Variants in USP47 observed in about 807,000 individuals in gnomAD.
The protein encoded by USP47 is ubiquitin specific peptidase 47.
A neutral mutation model predicts 165.1 loss-of-function variants in USP47; 35 were observed. The observed-to-expected ratio is 0.21, with a 90% confidence interval of 0.16 to 0.28. The LOEUF (loss-of-function observed/expected upper bound fraction) is 0.28, where lower values mean the gene tolerates loss of function less well. USP47 is among the 10% of genes least tolerant of loss of function. The pLI is 1.00. For missense variants in USP47, 1,277 were observed against 1,607.4 expected (o/e 0.79, Z 3.52); for synonymous variants, 531 against 544.5 (o/e 0.98, Z 0.35).
intron 1 of USP47, among the ~76,000 whole-genome samples, chr11:11,873,560 G>C (rs915878917): frequency 6.6e-6 from 1 of 151,930 alleles, no homozygotes; most frequent in South Asian, 2.1e-4. Context: ...CAATTCTTAA[G>C]CTATCATTCT....
intron 1 of USP47, among the ~76,000 whole-genome samples, chr11:11,877,032 T>C (rs921689648): frequency 2.0e-5 from 3 of 152,216 alleles, no homozygotes; most frequent in Non-Finnish European, 4.4e-5. Context: ...TTAAGAAAGA[T>C]AGCTGCCCTA....
At chr11:11,948,637 A>C in intron 22 of USP47, 79 bp downstream of exon 22, 1 of 1,376,358 alleles carries the variant, frequency 7.3e-7, no homozygotes, top group Non-Finnish European at 1.0e-6. Flanking sequence ...ATTCATAGTC[A>C]TTTTATTTCT....
At chr11:11,854,352 G>A (rs1848906801) in intron 1 of USP47, among the ~76,000 whole-genome samples, 2 of 146,966 alleles carry the variant, frequency 1.4e-5, no homozygotes, top group Middle Eastern at 8.5e-3. Flanking sequence ...GGAGTCCCTA[G>A]GTTCAAATAC....
intron 11 of USP47, among the ~76,000 whole-genome samples, chr11:11,926,074 T>C (rs1445124377): frequency 6.6e-6 from 1 of 152,202 alleles, no homozygotes; most frequent in Admixed American, 6.5e-5. Flanking sequence ...CTTTAATGTG[T>C]TACTGAATTT....
intron 7 of USP47, among the ~76,000 whole-genome samples, chr11:11,904,214 GA>G (rs2134459167): frequency 6.6e-6 from 1 of 152,256 alleles, no homozygotes; most frequent in Non-Finnish European, 1.5e-5. Flanking sequence ...TTCAGTATTT[GA>G]AAAACACTGG....
At chr11:11,850,513 A>C (rs1295262551) in intron 1 of USP47, among the ~76,000 whole-genome samples, 1 of 146,016 alleles carries the variant, frequency 6.8e-6, no homozygotes, top group Non-Finnish European at 1.5e-5. Flanking sequence ...TTTTTCTTCC[A>C]AATTTCCTTT....
intron 8 of USP47, among the ~76,000 whole-genome samples, chr11:11,919,900 A>C (rs1376316357): frequency 6.6e-6 from 1 of 151,902 alleles, no homozygotes; most frequent in African/African-American, 2.4e-5. Flanking sequence ...AAAGTCAATG[A>C]AAATCAGGTT....
chr11:11,842,112 T>C lies in USP47; in HGVS notation c.-74T>C. Reference sequence around the variant, plus strand: ...GAGAGGATGACTGCCGCTGCCATTCTCTCTTGAGCTAGCGAGCCGCCGCCA... The same window carrying C: ...GAGAGGATGACTGCCGCTGCCATTCCCTCTTGAGCTAGCGAGCCGCCGCCA... On this transcript the variant is annotated 5_prime_UTR_variant, in exon 1 of 28. Coordinates refer to ENST00000527733, the MANE Select transcript of USP47 (RefSeq NM_001282659.2). 4.6e-6 allele frequency: 7 copies of C among 1,525,044 alleles called. No individual in the cohort carries two copies. Among genetic ancestry groups the C allele is most frequent in the Non-Finnish European group, 6.2e-6 (7 of 1,128,838 alleles). 94.5% of individuals were successfully genotyped at this position (1,525,044 alleles called of 1,614,324 possible).
chr11:11,948,107 C>G lies in USP47; in HGVS notation c.3254C>G (p.Ser1085Cys), dbSNP rs1459839714. Residue 1085 changes from serine to cysteine, a missense_variant, in exon 21 of 28, where the codon TCT (serine) becomes TGT (cysteine). By Grantham distance (112) the Ser-to-Cys change is moderately radical. Transcript: ENST00000527733. ...CTGAATGAGACACTTTCATCATTTT[C>G]TGATGACAATAAGGTTGATTAAAAT... ...VRLNETLSSF[S>C]DDNKITIRLG... The G allele has an allele frequency of 1.9e-6, 3 of 1,610,184 alleles. No homozygotes were observed. In the Admixed American group the frequency reaches 5.1e-5, roughly 27 times the overall value.
chr11:11,911,671 C>T (rs1853000443), intron 8 of USP47, among the ~76,000 whole-genome samples: 1 of 152,118 alleles, frequency 6.6e-6, no homozygotes, highest in Non-Finnish European at 1.5e-5. Flanking sequence ...CAGACTTCAG[C>T]ACGCCTCCCT....
intron 10 of USP47, among the ~76,000 whole-genome samples, chr11:11,921,581 G>A (rs992430331): frequency 5.3e-5 from 8 of 151,848 alleles, no homozygotes; most frequent in Admixed American, 3.3e-4. Context: ...TCAGACAGTT[G>A]CGCTTAAGCT....
At chr11:11,954,691 A>G (rs932615784) in intron 25 of USP47, among the ~76,000 whole-genome samples, 4 of 152,228 alleles carry the variant, frequency 2.6e-5, no homozygotes, top group African/African-American at 4.8e-5. Flanking sequence ...TTGTGTATGC[A>G]TAGGAAAAGG....
intron 1 of USP47, among the ~76,000 whole-genome samples, chr11:11,872,467 A>G (rs1850129573): frequency 6.6e-6 from 1 of 152,214 alleles, no homozygotes; most frequent in Admixed American, 6.5e-5. Flanking sequence ...TACGTAGGGA[A>G]GCAAGTCAAA....
At chr11:11,931,581 C>G (rs1461377435) in intron 14 of USP47, among the ~76,000 whole-genome samples, 1 of 152,114 alleles carries the variant, frequency 6.6e-6, no homozygotes, top group Non-Finnish European at 1.5e-5. Flanking sequence ...CACGTGGACC[C>G]AACCTTCCAA....
chr11:11,914,830 G>T (rs777840083), intron 8 of USP47, among the ~76,000 whole-genome samples: 53 of 152,114 alleles, frequency 3.5e-4, no homozygotes, highest in Non-Finnish European at 7.2e-4. Flanking sequence ...CTGCCAGATG[G>T]CTACAAATAA....
chr11:11,883,121 G>A (rs553423179), intron 2 of USP47, among the ~76,000 whole-genome samples: 29 of 152,240 alleles, frequency 1.9e-4, no homozygotes, highest in South Asian at 8.3e-4. Flanking sequence ...TATTTCAGCT[G>A]TGTGATCTGA....
intron 1 of USP47, among the ~76,000 whole-genome samples, chr11:11,871,666 C>T (rs1320665416): frequency 6.6e-6 from 1 of 152,056 alleles, no homozygotes; most frequent in Non-Finnish European, 1.5e-5. Context: ...TAGGGGGATG[C>T]ACTGTAGGTC....
chr11:11,954,676 G>A (rs73413260), intron 25 of USP47, among the ~76,000 whole-genome samples: 3,590 of 152,308 alleles, frequency 0.024, 131 homozygotes, highest in African/African-American at 0.083. Context: ...AAACGTGGGT[G>A]TAGTTTGTGT....
intron 1 of USP47, among the ~76,000 whole-genome samples, chr11:11,868,491 A>G (rs1216376412): frequency 6.6e-6 from 1 of 152,178 alleles, no homozygotes; most frequent in African/African-American, 2.4e-5. Flanking sequence ...TTTATTGCTT[A>G]GTAGTTTTCC....
Sources: gnomAD v4.1 joint callset for allele counts (sites outside exome capture counted in the v4.1 genomes callset) on GRCh38, gnomAD v4.1.1 for gene constraint, MANE v1.5 for transcripts, NCBI Gene and HGNC (gene_info 2026-07-23, HGNC 2026-07-21) for gene names.